Variants in GBP2 observed in about 807,000 individuals in gnomAD.
The protein encoded by GBP2 is guanylate-binding protein 2.
In GBP2, 54 loss-of-function variants were observed where a neutral mutation model predicts 60.8. That is an observed-to-expected ratio of 0.89 (90% CI 0.71 to 1.11). GBP2 has a LOEUF of 1.11. Ranked by LOEUF, GBP2 falls within the 50% of genes most tolerant of loss-of-function variation. The pLI is 0.00. For missense variants in GBP2, 665 were observed against 703.3 expected, an observed-to-expected ratio of 0.95 and a Z score of 0.62; for synonymous variants, 243 against 256.5, an observed-to-expected ratio of 0.95 and a Z score of 0.50.
chr1:89,125,239 T>C (rs1182950352), intron 1 of GBP2, among the ~76,000 whole-genome samples: 1 of 152,116 alleles, frequency 6.6e-6, no homozygotes, highest in Non-Finnish European at 1.5e-5. Flanking sequence ...TAATATGGAG[T>C]CGATTACTTC....
intron 6 of GBP2, among the ~76,000 whole-genome samples, chr1:89,115,427 T>A (rs1386099747): frequency 6.6e-6 from 1 of 152,166 alleles, no homozygotes; most frequent in African/African-American, 2.4e-5. Flanking sequence ...ATAAATTAGA[T>A]AACCTTACCT....
chr1:89,113,813 G>A (rs1681212887), intron 7 of GBP2, among the ~76,000 whole-genome samples: 1 of 152,084 alleles, frequency 6.6e-6, no homozygotes, highest in Admixed American at 6.5e-5. Context: ...ACCCAGAGAG[G>A]AAAAACTAAC....
chr1:89,122,694 C>T (rs1681425948), intron 1 of GBP2, among the ~76,000 whole-genome samples: 1 of 152,112 alleles, frequency 6.6e-6, no homozygotes, highest in Admixed American at 6.5e-5. Context: ...GTTTCTCTAC[C>T]ACAAAGTGTT....
intron 6 of GBP2, 24 bp from the exon 7 acceptor site, chr1:89,114,320 A>G: frequency 6.2e-7 from 1 of 1,607,356 alleles, no homozygotes; most frequent in Middle Eastern, 1.7e-4. Context: ...TTTTTAAAAA[A>G]ATGTGACTAT....
chr1:89,110,626 A>T (rs1012775445), intron 8 of GBP2, among the ~76,000 whole-genome samples: 2 of 152,218 alleles, frequency 1.3e-5, no homozygotes, highest in Non-Finnish European at 2.9e-5. Flanking sequence ...GGAAAACCAA[A>T]CATCCTATGT....
At chr1:89,109,046 T>C (rs1681111534) in intron 10 of GBP2, among the ~76,000 whole-genome samples, 1 of 151,982 alleles carries the variant, frequency 6.6e-6, no homozygotes, top group Admixed American at 6.6e-5. Context: ...CAGGCATGCG[T>C]CACTATGCCC....
Position 89,107,300 on chromosome 1 carries a change from C to T in GBP2, c.*875G>A, listed in dbSNP as rs1292803863. Among the ~76,000 whole-genome samples the T allele has an allele frequency of 6.6e-6, 1 of 151,698 alleles. No individual in the cohort carries two copies. The highest frequency in any genetic ancestry group is 1.5e-5 in the Non-Finnish European group (1 of 67,970). On this transcript the variant is annotated 3_prime_UTR_variant, in exon 11 of 11. Transcript: ENST00000370466. ...GAGAAAAATGCAGTCAAGTTTTAGG[C>T]TTTATAGGATTATAGTCCTGGTCCT...
chr1:89,116,028 T>TA (rs2100615481), intron 6 of GBP2, among the ~76,000 whole-genome samples: 1 of 151,612 alleles, frequency 6.6e-6, no homozygotes, highest in East Asian at 1.9e-4. Context: ...TATATATATA[T>TA]TGGAGACAGG....
intron 6 of GBP2, among the ~76,000 whole-genome samples, chr1:89,114,709 G>A (rs1681233926): frequency 6.6e-6 from 1 of 152,176 alleles, no homozygotes; most frequent in South Asian, 2.1e-4. Flanking sequence ...AGGTAAATAT[G>A]TCTTCTTAGA....
At chr1:89,112,708 G>A in intron 7 of GBP2, 24 bp from the exon 8 acceptor site, 1 of 1,574,440 alleles carries the variant, frequency 6.4e-7, no homozygotes, top group South Asian at 1.1e-5. Context: ...AAACAGCACA[G>A]ATGTTTCAGT....
chr1:89,109,138 G>A (rs1442730789), intron 10 of GBP2, among the ~76,000 whole-genome samples: 3 of 151,988 alleles, frequency 2.0e-5, no homozygotes, highest in African/African-American at 4.8e-5. Flanking sequence ...GAGGTGATCC[G>A]CCCCCGTCGG....
chr1:89,108,737 C>T (rs550437970), intron 10 of GBP2, among the ~76,000 whole-genome samples: 23 of 152,098 alleles, frequency 1.5e-4, no homozygotes, highest in Non-Finnish European at 2.4e-4. Flanking sequence ...CTCCAAAATT[C>T]GGAGGTAACA....
At position 89,116,270 on chromosome 1, in the gene GBP2, C is replaced by T. The variant is rs373511584; in HGVS notation, c.868+722G>A. On this transcript the variant is annotated intron_variant, in intron 6 of 10. Coordinates refer to ENST00000370466, the MANE Select transcript of GBP2 (RefSeq NM_004120.5). ...TCAAAGTGATTCACCCACCTCAGCC[C>T]CCCAAAGTTCTGGGATTATAGGCAT... Among the ~76,000 whole-genome samples the T allele has an allele frequency of 3.6e-4, 55 of 152,152 alleles. 6 individuals are homozygous for T. Among genetic ancestry groups the T allele is most frequent in the Admixed American group, 8.5e-4 (13 of 15,278 alleles).
Position 89,108,185 on chromosome 1 carries a change from TTACA to T in GBP2, c.1762_1765del (p.Cys588ThrfsTer49). 1.2e-5 allele frequency: 19 copies of T among 1,604,256 alleles called. No individual in the cohort carries two copies. Among genetic ancestry groups the T allele is most frequent in the Non-Finnish European group, 1.5e-5 (18 of 1,172,000 alleles). ...TTGCTCCTTGGACTTTTAGAGTATG[TTACA>T]TATTGGCTCCAATGATTTGCTTCTC... is the stretch of plus-strand genomic sequence containing the variant. On this transcript the variant is annotated frameshift_variant, in exon 11 of 11. Transcript: ENST00000370466. LOFTEE classifies it high-confidence loss of function.
chr1:89,111,475 C>G (rs1466789116), intron 8 of GBP2, among the ~76,000 whole-genome samples: 1 of 152,028 alleles, frequency 6.6e-6, no homozygotes, highest in African/African-American at 2.4e-5. Context: ...TTTGCAAGAA[C>G]GTGGAACTTG....
Position 89,106,621 on chromosome 1 carries a change from C to T in GBP2, c.*1554G>A, listed in dbSNP as rs1681058186. The T allele has an allele frequency of 6.6e-6, 1 of 152,188 alleles. No individual in the cohort carries two copies. The highest frequency in any genetic ancestry group is 1.5e-5 in the Non-Finnish European group (1 of 68,038). 9.4% of individuals were successfully genotyped at this position (152,188 alleles called of 1,614,324 possible). A position where few individuals can be genotyped will look rare whatever the true frequency, so the allele number is the denominator to read the frequency against. ...AGGTTATTCCTACTATAAGATTTAT[C>T]TCCATACATCTGCATGGAAAAACTG... is the stretch of plus-strand genomic sequence containing the variant. On this transcript the variant is annotated 3_prime_UTR_variant, in exon 11 of 11. Transcript: ENST00000370466.
In GBP2 at chr1:89,112,455, C is replaced by A; in HGVS notation, c.1362+17G>T. The A allele has an allele frequency of 1.2e-6, 2 of 1,608,870 alleles. No individual in the cohort carries two copies. Among genetic ancestry groups the A allele is most frequent in the South Asian group, 2.2e-5 (2 of 90,936 alleles). ...CCTCAGCGAGTCCCAAGAAATGGTA[C>A]CCACCGTGTAGTTTACCTGTATCCC... On this transcript the variant is annotated intron_variant, in intron 8 of 10. Coordinates refer to ENST00000370466, the MANE Select transcript of GBP2 (RefSeq NM_004120.5).
At chr1:89,120,405 G>A (rs1011707558) in intron 3 of GBP2, 117 bp from the exon 4 acceptor site, 1 of 793,484 alleles carries the variant, frequency 1.3e-6, no homozygotes, top group Admixed American at 2.2e-5. Context: ...GAAAACTTAG[G>A]TAACTCACTT....
At chr1:89,111,339 C>A (rs79102006) in intron 8 of GBP2, among the ~76,000 whole-genome samples, 1 of 151,984 alleles carries the variant, frequency 6.6e-6, no homozygotes, top group Non-Finnish European at 1.5e-5. Flanking sequence ...TAAAGGGCAT[C>A]CAAGTTGGAA....
Sources: gnomAD v4.1 joint callset for allele counts (sites outside exome capture counted in the v4.1 genomes callset) on GRCh38, gnomAD v4.1.1 for gene constraint, MANE v1.5 for transcripts, NCBI Gene and HGNC (gene_info 2026-07-23, HGNC 2026-07-21) for gene names.